The following DHRS3 variants were observed in gnomAD, a reference collection of about 807,000 sequenced individuals.
The protein encoded by DHRS3 is short-chain dehydrogenase/reductase 3.
In DHRS3, 14 loss-of-function variants were observed where a neutral mutation model predicts 27.2. The ratio of observed to expected loss-of-function variants is 0.52; its 90% CI spans 0.34 to 0.81. The LOEUF (loss-of-function observed/expected upper bound fraction) is 0.81, where lower values mean the gene tolerates loss of function less well. DHRS3 is among the 30% of genes least tolerant of loss of function. The probability of loss-of-function intolerance (pLI) is 0.01; values close to 1 mark genes in which losing one functional copy is unlikely to be tolerated. For synonymous variants in DHRS3, 165 were observed against 175.9 expected (o/e 0.94, Z 0.49); for missense variants, 322 against 406.2 (o/e 0.79, Z 1.78).
intron 1 of DHRS3, chr1:12,616,552 C>G: frequency 1.0e-6 from 1 of 986,010 alleles, no homozygotes; most frequent in African/African-American, 1.7e-5. Flanking sequence ...TTATCAGTAG[C>G]TGCTTACCCT....
chr1:12,581,568 G>A (rs1020782600), intron 1 of DHRS3, among the ~76,000 whole-genome samples: 2 of 152,182 alleles, frequency 1.3e-5, no homozygotes, highest in African/African-American at 4.8e-5. Flanking sequence ...TACGCCAGAA[G>A]GTGACCTTGG....
intron 1 of DHRS3, among the ~76,000 whole-genome samples, chr1:12,614,501 T>G (rs756460183): frequency 6.7e-6 from 1 of 149,632 alleles, no homozygotes; most frequent in Non-Finnish European, 1.5e-5. Context: ...TCTTACAGCC[T>G]TAGTGTGCCT....
chr1:12,591,004 A>G lies in DHRS3; in HGVS notation c.196-10338T>C, dbSNP rs577091017. Among the ~76,000 whole-genome samples the G allele has an allele frequency of 1.3e-5, 2 of 152,252 alleles. No homozygotes were observed. Among genetic ancestry groups the G allele is most frequent in the East Asian group, 3.9e-4 (2 of 5,186 alleles). ...CAGGTAAAAGGATGGGGACAGAGAG[A>G]TCGTGCGATTCTGTGGTTTTGTCCC... On this transcript the variant is annotated intron_variant, in intron 1 of 5. Coordinates refer to ENST00000616661, the MANE Select transcript of DHRS3 (RefSeq NM_004753.7). The surrounding 1 kb of genome is among the most constrained non-coding windows in gnomAD (Gnocchi z 4.1).
rs775881306 is a variant in DHRS3 at position 12,617,172 on chromosome 1, C to T, written c.177G>A (p.Ala59=). Residue 59 remains alanine, a synonymous_variant, in exon 1 of 6, where the codon GCG becomes GCA. Transcript: ENST00000616661. ...CTGGTACCTTTCTGGCGCCGCGCTC[C>T]GCGAACTCGCGGGCGAGCTGACGCC... The part of the protein sequence containing the change: ...GIGRQLAREF[A]ERGARKIVLW... 1 of 1,612,122 alleles carries T rather than the reference C, an allele frequency of 6.2e-7. No individual in the cohort carries two copies. Among genetic ancestry groups the T allele is most frequent in the South Asian group, 1.1e-5 (1 of 91,002 alleles).
At chr1:12,601,846 T>C (rs1166963362) in intron 1 of DHRS3, among the ~76,000 whole-genome samples, 4 of 152,214 alleles carry the variant, frequency 2.6e-5, no homozygotes, top group Non-Finnish European at 4.4e-5. Context: ...GCTGGAAGGT[T>C]ACTTCGAGTA....
chr1:12,614,827 C>T (rs1203939834), intron 1 of DHRS3, among the ~76,000 whole-genome samples: 3 of 151,490 alleles, frequency 2.0e-5, no homozygotes, highest in African/African-American at 7.3e-5. Context: ...CTCTCAGATG[C>T]AGCCTCCACT....
At chr1:12,616,552 C>T in intron 1 of DHRS3, 1 of 986,010 alleles carries the variant, frequency 1.0e-6, no homozygotes, top group Non-Finnish European at 1.2e-6. Context: ...TTATCAGTAG[C>T]TGCTTACCCT....
intron 1 of DHRS3, among the ~76,000 whole-genome samples, chr1:12,587,991 T>C (rs1646712165): frequency 6.6e-6 from 1 of 152,254 alleles, no homozygotes; most frequent in African/African-American, 2.4e-5. Context: ...TTCCACTCAC[T>C]CATTACACAG....
chr1:12,612,653 T>C (rs1350024933), intron 1 of DHRS3, among the ~76,000 whole-genome samples: 1 of 152,230 alleles, frequency 6.6e-6, no homozygotes, highest in Non-Finnish European at 1.5e-5. Context: ...AACTTCAGAA[T>C]GTCACCTCAT....
rs1398681327 is a variant in DHRS3 at position 12,617,241 on chromosome 1, C to T, written c.108G>A (p.Leu36=). Residue 36 remains leucine, a synonymous_variant, in exon 1 of 6, where the codon CTG becomes CTA. Transcript: ENST00000616661. ...GLVLPAKLRD[L]SRENVLITGG... is the part of the protein sequence containing the mutation. Reference sequence around the variant, plus strand: ...CGGTGATGAGGACGTTCTCCCGCGACAGGTCCCGCAGCTTGGCGGGCAGCA... The same window carrying T: ...CGGTGATGAGGACGTTCTCCCGCGATAGGTCCCGCAGCTTGGCGGGCAGCA... 1 of 1,613,814 alleles carries T rather than the reference C, an allele frequency of 6.2e-7. No homozygotes were observed. The highest frequency in any genetic ancestry group is 2.2e-5 in the East Asian group (1 of 44,864).
rs1646749505 is a variant in DHRS3, at chr1:12,591,849, C to T, written c.196-11183G>A. Among the ~76,000 whole-genome samples, 1 of 152,186 alleles carries T rather than the reference C, an allele frequency of 6.6e-6. No homozygotes were observed. Among genetic ancestry groups the T allele is most frequent in the African/African-American group, 2.4e-5 (1 of 41,438 alleles). ...CAGGTACAGTGAGCTGATGCCATGT[C>T]CAAGGACTGGACAGAAAGGTGTCCA... On this transcript the variant is annotated intron_variant, in intron 1 of 5. Coordinates refer to ENST00000616661, the MANE Select transcript of DHRS3 (RefSeq NM_004753.7). The surrounding 1 kb of genome is among the most constrained non-coding windows in gnomAD (Gnocchi z 4.1).
At chr1:12,589,182 G>A (rs1042304866) in intron 1 of DHRS3, among the ~76,000 whole-genome samples, 8 of 152,170 alleles carry the variant, frequency 5.3e-5, no homozygotes, top group African/African-American at 9.7e-5. Context: ...GAGTGTGAGC[G>A]TGGCATAGGT....
At chr1:12,580,811 T>G in intron 1 of DHRS3, 145 bp from the exon 2 acceptor site, 1 of 956,704 alleles carries the variant, frequency 1.0e-6, no homozygotes, top group Non-Finnish European at 1.5e-6. Context: ...GAATACAACA[T>G]AGATTAATAA....
chr1:12,605,906 C>T (rs552978230), intron 1 of DHRS3, among the ~76,000 whole-genome samples: 48 of 152,008 alleles, frequency 3.2e-4, no homozygotes, highest in African/African-American at 8.9e-4. Context: ...TTTGGGAGGC[C>T]GAGGCAGGCG....
chr1:12,618,091 A>C lies in DHRS3; in HGVS notation c.-743T>G, dbSNP rs1448760203. 1.3e-5 allele frequency among the ~76,000 whole-genome samples: 2 copies of C among 151,912 alleles called. No individual in the cohort carries two copies. Among genetic ancestry groups the C allele is most frequent in the Admixed American group, 1.3e-4 (2 of 15,260 alleles). On this transcript the variant is annotated 5_prime_UTR_variant, in exon 1 of 6. Transcript: ENST00000616661. This position sits in a 1 kb window ranked among gnomAD's most constrained non-coding sequence, Gnocchi z 4.2. ...GGCTCCCTCCCTCCCTCTCTGTTCCAGCAGAGGCTGGGAGTTGCCGCTCGA... is the reference window on the plus strand; with the variant it reads ...GGCTCCCTCCCTCCCTCTCTGTTCCCGCAGAGGCTGGGAGTTGCCGCTCGA...
intron 1 of DHRS3, among the ~76,000 whole-genome samples, chr1:12,584,700 C>A (rs557576818): frequency 6.6e-6 from 1 of 152,152 alleles, no homozygotes; most frequent in African/African-American, 2.4e-5. Context: ...TCTACCTGGG[C>A]GCCCCAGAGC....
rs1349071078 is a variant in DHRS3 at position 12,593,490 on chromosome 1, T to A, written c.196-12824A>T. On this transcript the variant is annotated intron_variant, in intron 1 of 5. Transcript: ENST00000616661. The surrounding 1 kb of genome is among the most constrained non-coding windows in gnomAD (Gnocchi z 4.6). ...AAGTGCTGGGATTACAGGAGTGAGG[T>A]ACCACACCTGGCCACCTTCTCACAG... is the stretch of plus-strand genomic sequence containing the variant. Among the ~76,000 whole-genome samples, 7 of 152,076 alleles carry A rather than the reference T, an allele frequency of 4.6e-5. No individual in the cohort carries two copies. Among genetic ancestry groups the A allele is most frequent in the Non-Finnish European group, 1.5e-5 (1 of 67,998 alleles).
intron 4 of DHRS3, among the ~76,000 whole-genome samples, chr1:12,573,856 C>T (rs1377922218): frequency 3.3e-5 from 5 of 152,184 alleles, no homozygotes; most frequent in African/African-American, 4.8e-5. Flanking sequence ...ATAAGGAAAC[C>T]GAGGCTGTAT....
chr1:12,586,399 C>T lies in DHRS3; in HGVS notation c.196-5733G>A, dbSNP rs1338551901. On this transcript the variant is annotated intron_variant, in intron 1 of 5. Transcript: ENST00000616661. This position sits in a 1 kb window ranked among gnomAD's most constrained non-coding sequence, Gnocchi z 5.0. ...TCCTCACATGCAACCCCACGCCCCG[C>T]GTTCATCCCCACCCAGCCAGCCTTC... is the stretch of plus-strand genomic sequence containing the variant. 1.3e-5 allele frequency among the ~76,000 whole-genome samples: 2 copies of T among 152,188 alleles called. No homozygotes were observed. The highest frequency in any genetic ancestry group is 2.9e-5 in the Non-Finnish European group (2 of 68,040).
Sources: gnomAD v4.1 joint callset for allele counts (sites outside exome capture counted in the v4.1 genomes callset) on GRCh38, gnomAD v4.1.1 for gene constraint, Gnocchi (gnomAD v3.1) non-coding constraint, MANE v1.5 for transcripts, NCBI Gene and HGNC (gene_info 2026-07-23, HGNC 2026-07-21) for gene names.